DYNC2H1: variants seen among roughly 807,000 people sequenced by gnomAD.
DYNC2H1 encodes the protein dynein cytoplasmic 2 heavy chain 1.
DYNC2H1 carries 410 observed loss-of-function variants against 570.0 expected under a neutral mutation model. That is an observed-to-expected ratio of 0.72 (90% CI 0.66 to 0.78). The LOEUF is 0.78. Among genes scored for constraint, DYNC2H1 ranks in the 30% least tolerant of loss-of-function variants. The pLI is 0.00. For missense variants in DYNC2H1, 4,865 were observed against 5,046.4 expected (o/e 0.96, Z 1.09); for synonymous variants, 1,688 against 1,677.6 (o/e 1.01, Z -0.15).
At position 103,245,540 on chromosome 11, in the gene DYNC2H1, GT is replaced by G; in HGVS notation, c.10042+169del. On this transcript the variant is annotated intron_variant, in intron 65 of 88. Coordinates refer to ENST00000375735, the MANE Select transcript of DYNC2H1 (RefSeq NM_001377.3). The surrounding 1 kb of genome is among the most constrained non-coding windows in gnomAD (Gnocchi z 4.5). The stretch of plus-strand genomic sequence containing the variant: ...GTTGTGACAATATGTGTAAAATGTT[GT>G]TTATCAGGAAAGCTCAGTAGAGACC... 6.6e-6 allele frequency among the ~76,000 whole-genome samples: 1 copy of G among 152,192 alleles called. No individual in the cohort carries two copies. Among genetic ancestry groups the G allele is most frequent in the African/African-American group, 2.4e-5 (1 of 41,544 alleles).
At position 103,347,784 on chromosome 11, in the gene DYNC2H1, A is replaced by T. The variant is rs550634367; in HGVS notation, c.12040-10459A>T. Among the ~76,000 whole-genome samples, 9 of 152,154 alleles carry T rather than the reference A, an allele frequency of 5.9e-5. No homozygotes were observed. The South Asian group carries it at 1.7e-3, about 28-fold the overall frequency. ...TTTCTCCAAAAAAGTCTTGCGGGGG[A>T]GGCAGCATCCCCTATTACTGCAGTG... On this transcript the variant is annotated intron_variant, in intron 82 of 88. Coordinates refer to ENST00000375735, the MANE Select transcript of DYNC2H1 (RefSeq NM_001377.3).
intron 88 of DYNC2H1, among the ~76,000 whole-genome samples, chr11:103,476,721 A>C (rs1945560706): frequency 6.6e-6 from 1 of 151,892 alleles, no homozygotes; most frequent in Non-Finnish European, 1.5e-5. Context: ...GAGTCAGAGC[A>C]GTTGTTGGTG....
intron 44 of DYNC2H1, among the ~76,000 whole-genome samples, chr11:103,188,970 A>G (rs1257750399): frequency 6.6e-6 from 1 of 152,122 alleles, no homozygotes; most frequent in East Asian, 1.9e-4. Flanking sequence ...TCATGAAACA[A>G]AAATACCATC....
At position 103,249,480 on chromosome 11, in the gene DYNC2H1, A is replaced by C. The variant is rs994650263; in HGVS notation, c.10043-3805A>C. ...ATCAAGACATAAGAGCTTTATTAGC[A>C]CTCCAGAAGCCCACTTACTTACTAC... On this transcript the variant is annotated intron_variant, in intron 65 of 88. Transcript: ENST00000375735. This position sits in a 1 kb window ranked among gnomAD's most constrained non-coding sequence, Gnocchi z 4.6. 2.0e-5 allele frequency among the ~76,000 whole-genome samples: 3 copies of C among 152,018 alleles called. No homozygotes were observed. The highest frequency in any genetic ancestry group is 1.3e-4 in the Admixed American group (2 of 15,228).
chr11:103,447,779 A>G (rs143260482), intron 85 of DYNC2H1, among the ~76,000 whole-genome samples: 366 of 152,258 alleles, frequency 2.4e-3, no homozygotes, highest in Middle Eastern at 0.014. Context: ...TCTTGTGGGT[A>G]TCTCATTAAT....
At position 103,243,256 on chromosome 11, in the gene DYNC2H1, TATAGATAGATAG is replaced by T. The variant is rs58016632; in HGVS notation, c.9820-397_9820-386del. ...TTATAGTTTTTATTCAAACAAAGAA[TATAGATAGATAG>T]ATAGATAGATAGATAGATAGATAGA... On this transcript the variant is annotated intron_variant, in intron 63 of 88. Transcript: ENST00000375735. This position sits in a 1 kb window ranked among gnomAD's most constrained non-coding sequence, Gnocchi z 4.8. 0.065 allele frequency among the ~76,000 whole-genome samples: 9,562 copies of T among 146,558 alleles called. 316 individuals carry two copies. Among genetic ancestry groups the T allele is most frequent in the African/African-American group, 0.084 (3,269 of 39,132 alleles).
At chr11:103,380,491 A>G (rs972759640) in intron 83 of DYNC2H1, among the ~76,000 whole-genome samples, 1 of 152,214 alleles carries the variant, frequency 6.6e-6, no homozygotes, top group Non-Finnish European at 1.5e-5. Flanking sequence ...GGGAGCCCAG[A>G]TGAGGGAATG....
chr11:103,445,087 C>T (rs977546367), intron 85 of DYNC2H1, among the ~76,000 whole-genome samples: 1 of 152,042 alleles, frequency 6.6e-6, no homozygotes, highest in African/African-American at 2.4e-5. Flanking sequence ...TCTCAAATAC[C>T]GAATGAATAA....
intron 52 of DYNC2H1, among the ~76,000 whole-genome samples, chr11:103,208,122 G>A (rs35431050): frequency 0.11 from 16,007 of 152,144 alleles, 1,002 homozygotes; most frequent in East Asian, 0.22. Flanking sequence ...AAAATCTCAT[G>A]ATTTGACTGT....
chr11:103,263,813 A>G (rs1055413892), intron 70 of DYNC2H1, among the ~76,000 whole-genome samples: 13 of 152,184 alleles, frequency 8.5e-5, no homozygotes, highest in Admixed American at 2.0e-4. Flanking sequence ...TAGAGAAGCA[A>G]GAGCAAACAC....
Position 103,166,056 on chromosome 11 carries a change from A to G in DYNC2H1, c.4762+8A>G. The G allele has an allele frequency of 6.7e-7, 1 of 1,494,598 alleles. No individual in the cohort carries two copies. Among genetic ancestry groups the G allele is most frequent in the South Asian group, 1.4e-5 (1 of 70,894 alleles). 92.6% of individuals were successfully genotyped at this position (1,494,598 alleles called of 1,614,324 possible). A position where few individuals can be genotyped will look rare whatever the true frequency, so the allele number is the denominator to read the frequency against. On this transcript the variant is annotated splice_region_variant and intron_variant, in intron 31 of 88. Transcript: ENST00000375735. ...AGGATCCAGGGAATACTGGTATGGAAAAGACATTCCCTTTTCTGCCTGGTT... is the reference window on the plus strand; with the variant it reads ...AGGATCCAGGGAATACTGGTATGGAGAAGACATTCCCTTTTCTGCCTGGTT...
At position 103,412,251 on chromosome 11, in the gene DYNC2H1, C is replaced by G. The variant is rs576165553; in HGVS notation, c.12366+12379C>G. Among the ~76,000 whole-genome samples, 126 of 152,148 alleles carry G rather than the reference C, an allele frequency of 8.3e-4. 1 individual carries two copies. The highest frequency in any genetic ancestry group is 3.0e-3 in the African/African-American group (125 of 41,536). ...AGTTCAGTACTTGACATTTTCTTTA[C>G]TATGTGTGACACGATTGGAGTAGGA... On this transcript the variant is annotated intron_variant, in intron 84 of 88. Transcript: ENST00000375735.
At chr11:103,137,238 C>G (rs1360245693) in intron 17 of DYNC2H1, among the ~76,000 whole-genome samples, 1 of 148,084 alleles carries the variant, frequency 6.8e-6, no homozygotes, top group East Asian at 2.0e-4. Flanking sequence ...GAATTAGATC[C>G]CATTTGTCAA....
At chr11:103,392,686 A>G (rs1334309812) in intron 83 of DYNC2H1, among the ~76,000 whole-genome samples, 1 of 152,110 alleles carries the variant, frequency 6.6e-6, no homozygotes, top group Non-Finnish European at 1.5e-5. Flanking sequence ...ACCAAAAGGC[A>G]TTTCATGGAA....
At position 103,264,105 on chromosome 11, in the gene DYNC2H1, A is replaced by G. The variant is rs1285098830; in HGVS notation, c.10695+4128A>G. ...TACGCAAATAAACTAGAAAATCTAG[A>G]AGAAATGGATAAATTCCTGGACACA... is the stretch of plus-strand genomic sequence containing the variant. On this transcript the variant is annotated intron_variant, in intron 70 of 88. Coordinates refer to ENST00000375735, the MANE Select transcript of DYNC2H1 (RefSeq NM_001377.3). The surrounding 1 kb of genome is among the most constrained non-coding windows in gnomAD (Gnocchi z 4.8). Among the ~76,000 whole-genome samples the G allele has an allele frequency of 3.3e-5, 5 of 152,232 alleles. No individual in the cohort carries two copies. The highest frequency in any genetic ancestry group is 3.2e-3 in the Middle Eastern group (1 of 316).
intron 4 of DYNC2H1, among the ~76,000 whole-genome samples, chr11:103,116,178 G>C (rs1858383595): frequency 6.6e-6 from 1 of 152,088 alleles, no homozygotes; most frequent in African/African-American, 2.4e-5. Flanking sequence ...CTGGACTGTG[G>C]TTGTGTTATT....
At chr11:103,303,374 G>A in intron 76 of DYNC2H1, 121 bp downstream of exon 76, 1 of 1,061,206 alleles carries the variant, frequency 9.4e-7, no homozygotes, top group Non-Finnish European at 1.3e-6. Context: ...AAATGTCTAT[G>A]TCCTAATCCT....
Position 103,304,708 on chromosome 11 carries a change from A to G in DYNC2H1, c.11370A>G (p.Pro3790=). ...KNLHLVVSWL[P]VLEKELNTLQ... ...TACATCTTGTGGTATCTTGGCTGCCAGTTCTGGAAAAGGTAGATTCAGATA... is the reference window on the plus strand; with the variant it reads ...TACATCTTGTGGTATCTTGGCTGCCGGTTCTGGAAAAGGTAGATTCAGATA... The change falls in exon 77 of 89, where the codon CCA becomes CCG. Residue 3790 remains proline, a synonymous_variant. Coordinates refer to ENST00000375735, the MANE Select transcript of DYNC2H1 (RefSeq NM_001377.3). 1 of 1,612,150 alleles carries G rather than the reference A, an allele frequency of 6.2e-7. No individual in the cohort carries two copies. The highest frequency in any genetic ancestry group is 8.5e-7 in the Non-Finnish European group (1 of 1,178,976).
chr11:103,345,618 A>G (rs1046423974), intron 82 of DYNC2H1, among the ~76,000 whole-genome samples: 2 of 151,992 alleles, frequency 1.3e-5, no homozygotes, highest in Non-Finnish European at 2.9e-5. Context: ...TGCTTTTTCT[A>G]TTGGAAAAAC....
Sources: allele counts gnomAD v4.1 joint callset (sites outside exome capture counted in the v4.1 genomes callset), GRCh38; gene constraint gnomAD v4.1.1; non-coding constraint Gnocchi (gnomAD v3.1); transcripts MANE v1.5; gene names NCBI Gene and HGNC (gene_info 2026-07-23, HGNC 2026-07-21).